CRIP2: variants seen among roughly 807,000 people sequenced by gnomAD.
CRIP2 encodes cysteine rich protein 2.
Under a neutral mutation model 31.3 loss-of-function variants are expected in CRIP2, and 31 were observed. The ratio of observed to expected loss-of-function variants is 0.99; its 90% CI spans 0.74 to 1.34. The LOEUF is 1.34. CRIP2 is among the 40% of genes most tolerant of loss of function. The probability of loss-of-function intolerance (pLI) is 0.00; values close to 1 mark genes in which losing one functional copy is unlikely to be tolerated. For missense variants in CRIP2, 389 were observed against 301.6 expected, an observed-to-expected ratio of 1.29 and a Z score of -2.15; for synonymous variants, 177 against 127.2, an observed-to-expected ratio of 1.39 and a Z score of -2.63.
intron 1 of CRIP2, chr14:105,475,225 G>A: frequency 3.6e-6 from 1 of 278,852 alleles, no homozygotes; most frequent in Non-Finnish European, 6.7e-6. Flanking sequence ...GACGCATCCC[G>A]GTTCCTCGGA....
rs587688809 is a variant in CRIP2 at position 105,475,961 on chromosome 14, C to G, written c.43+1056C>G. The G allele has an allele frequency of 2.2e-5, 22 of 985,576 alleles. No individual in the cohort carries two copies. In the South Asian group the frequency reaches 8.5e-4, roughly 38 times the overall value. 61.1% of individuals were successfully genotyped at this position (985,576 alleles called of 1,614,324 possible). A position where few individuals can be genotyped will look rare whatever the true frequency, so the allele number is the denominator to read the frequency against. On this transcript the variant is annotated intron_variant, in intron 1 of 7. Coordinates refer to ENST00000329146, the MANE Select transcript of CRIP2 (RefSeq NM_001312.4). ...AGGGAAGGCCGCCACTGGGCTTCCC[C>G]GGCTCACAGGCTGGAGGGGGTTGAG... is the stretch of plus-strand genomic sequence containing the variant.
At chr14:105,477,421 G>A (rs186118651) in intron 1 of CRIP2, 152 of 985,144 alleles carry the variant, frequency 1.5e-4, no homozygotes, top group Non-Finnish European at 1.6e-4. Context: ...GAGGACCCAC[G>A]GGGACGGGGC....
At chr14:105,479,269 G>C (rs2084033212) in intron 6 of CRIP2, 50 bp downstream of exon 6, 1 of 1,544,838 alleles carries the variant, frequency 6.5e-7, no homozygotes, top group South Asian at 1.2e-5. Context: ...CGCGGGGTCG[G>C]GGGGATGAGG....
intron 1 of CRIP2, chr14:105,475,885 C>A (rs2083921814): frequency 2.0e-5 from 20 of 985,516 alleles, no homozygotes; most frequent in Non-Finnish European, 2.3e-5. Context: ...GGGCCGGGAC[C>A]AACAGGGCGC....
At chr14:105,475,441 G>A (rs1200213597) in intron 1 of CRIP2, 4 of 152,782 alleles carry the variant, frequency 2.6e-5, no homozygotes, top group African/African-American at 9.6e-5. Flanking sequence ...TTCAGTCCAA[G>A]CGGGGGCGAC....
chr14:105,479,013 C>T lies in CRIP2; in HGVS notation c.372C>T (p.Asn124=). 5.1e-6 allele frequency: 8 copies of T among 1,584,138 alleles called. No individual in the cohort carries two copies. The highest frequency in any genetic ancestry group is 6.0e-6 in the Non-Finnish European group (7 of 1,168,178). ...SSVTTFTGEP[N]TCPRCSKKVY... The stretch of plus-strand genomic sequence containing the variant: ...TCACCACTTTCACCGGGGAGCCCAA[C>T]ACGTGCCCGCGCTGCAGCAAGAAGG... Residue 124 remains asparagine (N), a synonymous_variant, in exon 5 of 8, where the codon AAC becomes AAT. Transcript: ENST00000329146.
chr14:105,479,973 C>T lies in CRIP2; in HGVS notation c.*320C>T, dbSNP rs1555437108. 2.6e-6 allele frequency: 1 copy of T among 383,514 alleles called. No homozygotes were observed. Among genetic ancestry groups the T allele is most frequent in the Non-Finnish European group, 4.9e-6 (1 of 205,668 alleles). The allele number at this position is 383,514 out of a possible 1,614,324, so 23.8% of individuals were successfully genotyped here. A position where few individuals can be genotyped will look rare whatever the true frequency, so the allele number is the denominator to read the frequency against. On this transcript the variant is annotated 3_prime_UTR_variant, in exon 8 of 8. Coordinates refer to ENST00000329146, the MANE Select transcript of CRIP2 (RefSeq NM_001312.4). The stretch of plus-strand genomic sequence containing the variant: ...CTGTCCGCTCTCCCTCTCCTGCTGC[C>T]CACCCACCTGCCAGTGTTATTTATG...
chr14:105,478,081 G>A lies in CRIP2; in HGVS notation c.44-185G>A, dbSNP rs947603527. ...AGACCCAGAGGGAGAACAGGGCCTG[G>A]GGGCGACGGGCTCCTCCGGGTCTCA... On this transcript the variant is annotated intron_variant, in intron 1 of 7. Coordinates refer to ENST00000329146, the MANE Select transcript of CRIP2 (RefSeq NM_001312.4). The surrounding 1 kb of genome is among the most constrained non-coding windows in gnomAD (Gnocchi z 4.9). Among the ~76,000 whole-genome samples, 1 of 151,586 alleles carries A rather than the reference G, an allele frequency of 6.6e-6. No individual in the cohort carries two copies. The highest frequency in any genetic ancestry group is 1.5e-5 in the Non-Finnish European group (1 of 67,830).
Position 105,478,438 on chromosome 14 carries a change from C to G in CRIP2, c.139-12C>G, listed in dbSNP as rs376753421. On this transcript the variant is annotated splice_polypyrimidine_tract_variant and intron_variant, in intron 2 of 7. Coordinates refer to ENST00000329146, the MANE Select transcript of CRIP2 (RefSeq NM_001312.4). This position sits in a 1 kb window ranked among gnomAD's most constrained non-coding sequence, Gnocchi z 4.9. ...CCTCAGGCAGGGTCCTGACCCGCGC[C>G]CCTCTGCGCAGCATGACGGGAAGCC... The G allele has an allele frequency of 7.5e-6, 12 of 1,601,800 alleles. No individual in the cohort carries two copies. Among genetic ancestry groups the G allele is most frequent in the Non-Finnish European group, 1.0e-5 (12 of 1,177,550 alleles).
In CRIP2 at chr14:105,479,047, G is replaced by C. The variant is rs1402174624; in HGVS notation, c.406G>C (p.Ala136Pro). The C allele has an allele frequency of 1.3e-6, 2 of 1,575,044 alleles. No homozygotes were observed. Among genetic ancestry groups the C allele is most frequent in the Non-Finnish European group, 8.6e-7 (1 of 1,162,274 alleles). Reference sequence around the variant, plus strand: ...GCGCTGCAGCAAGAAGGTGTACTTCGGTGAGTGCGCGCCCGGGCCCCGGAC... The same window carrying C: ...GCGCTGCAGCAAGAAGGTGTACTTCCGTGAGTGCGCGCCCGGGCCCCGGAC... ...CPRCSKKVYF[A>P]EKVTSLGKDW... The change falls in exon 5 of 8, where the codon GCT (alanine) becomes CCT (proline). Residue 136 changes from alanine to proline, a missense_variant and splice_region_variant. Ala to Pro is a conservative substitution (Grantham distance 27). Transcript: ENST00000329146.
chr14:105,479,532 C>A (rs375528137), intron 7 of CRIP2, 39 bp downstream of exon 7: 9 of 1,612,454 alleles, frequency 5.6e-6, no homozygotes, highest in Admixed American at 5.0e-5. Context: ...TCTTCCCTGC[C>A]CTCCCCTTCC....
intron 6 of CRIP2, 84 bp from the exon 7 acceptor site, chr14:105,479,352 C>A (rs1436029234): frequency 1.8e-5 from 28 of 1,581,058 alleles, no homozygotes; most frequent in Non-Finnish European, 2.2e-5. Flanking sequence ...CCACGGCGAG[C>A]CGGCCTGCAC....
intron 1 of CRIP2, chr14:105,477,494 C>T: frequency 1.0e-6 from 1 of 984,736 alleles, no homozygotes; most frequent in Non-Finnish European, 1.2e-6. Flanking sequence ...CAGCGGGGTG[C>T]TGCCAGCCCC....
chr14:105,478,473 C>G lies in CRIP2; in HGVS notation c.162C>G (p.His54Gln), dbSNP rs1555436418. 1.2e-6 allele frequency: 2 copies of G among 1,608,058 alleles called. No individual in the cohort carries two copies. The highest frequency in any genetic ancestry group is 2.2e-5 in the East Asian group (1 of 44,796). Residue 54 changes from histidine (H) to glutamine (Q), a missense_variant, in exon 3 of 8, where the codon CAC becomes CAG. His to Gln is a conservative substitution (Grantham distance 24). Coordinates refer to ENST00000329146, the MANE Select transcript of CRIP2 (RefSeq NM_001312.4). The surrounding 1 kb of genome is among the most constrained non-coding windows in gnomAD (Gnocchi z 4.9). ...HAEHDGKPFC[H>Q]KPCYATLFGP... ...AGCATGACGGGAAGCCGTTCTGCCACAAGCCGTGCTACGCCACCCTGTTCG... is the reference window on the plus strand; with the variant it reads ...AGCATGACGGGAAGCCGTTCTGCCAGAAGCCGTGCTACGCCACCCTGTTCG...
intron 1 of CRIP2, chr14:105,476,699 T>C: frequency 1.0e-6 from 1 of 985,166 alleles, no homozygotes; most frequent in Non-Finnish European, 1.2e-6. Flanking sequence ...TTGCTGCTGC[T>C]GGGACACGCC....
At position 105,478,771 on chromosome 14, in the gene CRIP2, GC is replaced by G; in HGVS notation, c.241del (p.Leu81TrpfsTer59). The stretch of plus-strand genomic sequence containing the variant: ...GCGCGGGCTCCTACATCTACGAGAA[GC>G]CCCTGGCGGAGGGGCCGCAGGTCAC... ...GGAGSYIYEK[P>X]LAEGPQVTGP... is the part of the protein sequence containing the mutation. On this transcript the variant is annotated frameshift_variant, in exon 4 of 8. Coordinates refer to ENST00000329146, the MANE Select transcript of CRIP2 (RefSeq NM_001312.4). LOFTEE classifies it high-confidence loss of function. This position sits in a 1 kb window ranked among gnomAD's most constrained non-coding sequence, Gnocchi z 4.9. 8 of 1,431,266 alleles carry G rather than the reference GC, an allele frequency of 5.6e-6. No individual in the cohort carries two copies. Among genetic ancestry groups the G allele is most frequent in the Non-Finnish European group, 5.5e-6 (6 of 1,098,934 alleles). 88.7% of individuals were successfully genotyped at this position (1,431,266 alleles called of 1,614,324 possible).
At position 105,478,814 on chromosome 14, in the gene CRIP2, C is replaced by A; in HGVS notation, c.280C>A (p.Pro94Thr). 1.4e-6 allele frequency: 2 copies of A among 1,430,862 alleles called. No homozygotes were observed. The highest frequency in any genetic ancestry group is 1.8e-6 in the Non-Finnish European group (2 of 1,101,392). 88.6% of individuals were successfully genotyped at this position (1,430,862 alleles called of 1,614,324 possible). ...GPQVTGPIEV[P>T]AARAEERKAS... ...GCAGGTCACCGGCCCCATCGAGGTC[C>A]CCGCGGCCCGAGCAGAGGAGCGGAA... The change falls in exon 4 of 8, where the codon CCC becomes ACC. Residue 94 changes from proline (P) to threonine (T), a missense_variant. Pro to Thr is a conservative substitution (Grantham distance 38, BLOSUM62 -1). Transcript: ENST00000329146. The surrounding 1 kb of genome is among the most constrained non-coding windows in gnomAD (Gnocchi z 4.9).
chr14:105,474,686 G>T, upstream of CRIP2: 1 of 799,884 alleles, frequency 1.3e-6, no homozygotes, highest in Non-Finnish European at 1.5e-6. This position sits in a 1 kb window ranked among gnomAD's most constrained non-coding sequence, Gnocchi z 5.1. Context: ...CGGCAGGTGC[G>T]CCCCGCCCCC....
At chr14:105,474,065 G>A (rs782134059), upstream of CRIP2, 2 of 157,184 alleles carry the variant, frequency 1.3e-5, no homozygotes, top group African/African-American at 2.4e-5. This position sits in a 1 kb window ranked among gnomAD's most constrained non-coding sequence, Gnocchi z 5.1. Context: ...GCTGGTGCCC[G>A]CCGCCCCTTC....
Sources: allele counts gnomAD v4.1 joint callset (sites outside exome capture counted in the v4.1 genomes callset), GRCh38; gene constraint gnomAD v4.1.1; non-coding constraint Gnocchi (gnomAD v3.1); transcripts MANE v1.5; gene names NCBI Gene and HGNC (gene_info 2026-07-23, HGNC 2026-07-21).